Variants in DRC11 observed in about 807,000 individuals in gnomAD.
DRC11 encodes the protein IQ and AAA domain-containing protein 1.
the DRC11 span, among the ~76,000 whole-genome samples, chr2:236,487,202 T>C: frequency 1.3e-5 from 2 of 152,224 alleles, no homozygotes; most frequent in Non-Finnish European, 1.5e-5. Flanking sequence ...CGGCACTTCA[T>C]GGTTTTAAAG....
the DRC11 span, chr2:236,346,747 A>C: frequency 5.9e-6 from 1 of 168,762 alleles, no homozygotes; most frequent in South Asian, 2.0e-4. Flanking sequence ...TTCTATAATA[A>C]TCATTGGTCA....
At chr2:236,351,024 G>A in the DRC11 span, among the ~76,000 whole-genome samples, 1 of 152,224 alleles carries the variant, frequency 6.6e-6, no homozygotes, top group African/African-American at 2.4e-5. This position sits in a 1 kb window ranked among gnomAD's most constrained non-coding sequence, Gnocchi z 7.3. Context: ...TAAGTTTGCT[G>A]TTTTCAAACG....
chr2:236,317,324 A>G, the DRC11 span, among the ~76,000 whole-genome samples: 1 of 151,986 alleles, frequency 6.6e-6, no homozygotes, highest in African/African-American at 2.4e-5. The surrounding 1 kb of genome is among the most constrained non-coding windows in gnomAD (Gnocchi z 5.4). Context: ...ATAGGCTCTC[A>G]TTAACAGTAA....
the DRC11 span, among the ~76,000 whole-genome samples, chr2:236,498,447 G>A: frequency 6.8e-5 from 10 of 147,584 alleles, no homozygotes; most frequent in African/African-American, 2.6e-4. Flanking sequence ...CCTGGCAACA[G>A]AGCGAGACTG....
At chr2:236,453,925 A>G in the DRC11 span, among the ~76,000 whole-genome samples, 2 of 152,140 alleles carry the variant, frequency 1.3e-5, no homozygotes, top group Admixed American at 6.5e-5. The surrounding 1 kb of genome is among the most constrained non-coding windows in gnomAD (Gnocchi z 4.9). Flanking sequence ...TACAGGCATG[A>G]GCCACCGTGC....
At chr2:236,490,817 A>G in the DRC11 span, among the ~76,000 whole-genome samples, 3 of 151,384 alleles carry the variant, frequency 2.0e-5, no homozygotes, top group South Asian at 6.3e-4. The surrounding 1 kb of genome is among the most constrained non-coding windows in gnomAD (Gnocchi z 5.5). Flanking sequence ...GTGTGTGTGT[A>G]TATATATACA....
chr2:236,426,354 T>C, the DRC11 span, among the ~76,000 whole-genome samples: 51 of 152,040 alleles, frequency 3.4e-4, no homozygotes, highest in Non-Finnish European at 6.8e-4. The surrounding 1 kb of genome is among the most constrained non-coding windows in gnomAD (Gnocchi z 4.1). Flanking sequence ...ACACAGATCC[T>C]TCACCTCCTT....
chr2:236,394,335 CAA>C, the DRC11 span, among the ~76,000 whole-genome samples: 1 of 152,128 alleles, frequency 6.6e-6, no homozygotes, highest in Non-Finnish European at 1.5e-5. This position sits in a 1 kb window ranked among gnomAD's most constrained non-coding sequence, Gnocchi z 7.0. Flanking sequence ...CTCCAGTTTT[CAA>C]AAAGAGTGGG....
At chr2:236,463,995 G>C in the DRC11 span, among the ~76,000 whole-genome samples, 2 of 152,218 alleles carry the variant, frequency 1.3e-5, no homozygotes, top group African/African-American at 4.8e-5. This position sits in a 1 kb window ranked among gnomAD's most constrained non-coding sequence, Gnocchi z 5.0. Context: ...CTGTTGCCTG[G>C]GAGCCTCCTC....
the DRC11 span, among the ~76,000 whole-genome samples, chr2:236,385,372 T>A: frequency 1.4e-5 from 2 of 146,198 alleles, no homozygotes; most frequent in Non-Finnish European, 3.0e-5. Context: ...GAAGAGGTCC[T>A]TCACATCCCT....
chr2:236,501,611 G>A, the DRC11 span, among the ~76,000 whole-genome samples: 5 of 152,160 alleles, frequency 3.3e-5, no homozygotes, highest in African/African-American at 9.7e-5. Context: ...TCAGCATGGT[G>A]TGAGTTTTCC....
the DRC11 span, among the ~76,000 whole-genome samples, chr2:236,483,284 C>A: frequency 2.0e-5 from 3 of 152,258 alleles, no homozygotes; most frequent in Middle Eastern, 0.01. This position sits in a 1 kb window ranked among gnomAD's most constrained non-coding sequence, Gnocchi z 4.8. Flanking sequence ...TTTATAACAA[C>A]TTGCAGAAAT....
the DRC11 span, among the ~76,000 whole-genome samples, chr2:236,474,881 C>T: frequency 5.9e-5 from 9 of 151,948 alleles, no homozygotes; most frequent in South Asian, 6.2e-4. Flanking sequence ...TCAGGGTATA[C>T]GTGATATTTG....
the DRC11 span, among the ~76,000 whole-genome samples, chr2:236,371,660 G>A: frequency 6.6e-6 from 1 of 152,172 alleles, no homozygotes; most frequent in South Asian, 2.1e-4. The surrounding 1 kb of genome is among the most constrained non-coding windows in gnomAD (Gnocchi z 5.1). Flanking sequence ...CAATCCTCGT[G>A]CCAAGGTGTC....
chr2:236,334,115 C>G, the DRC11 span, among the ~76,000 whole-genome samples: 1 of 152,196 alleles, frequency 6.6e-6, no homozygotes, highest in Non-Finnish European at 1.5e-5. The surrounding 1 kb of genome is among the most constrained non-coding windows in gnomAD (Gnocchi z 7.8). Flanking sequence ...GTGGTGGGAC[C>G]TGCCCACCTG....
the DRC11 span, among the ~76,000 whole-genome samples, chr2:236,480,946 T>C: frequency 2.0e-5 from 3 of 152,256 alleles, no homozygotes; most frequent in Non-Finnish European, 4.4e-5. Context: ...TTCAGTACTT[T>C]ATGGAACCTT....
the DRC11 span, chr2:236,497,326 T>C: frequency 6.2e-7 from 1 of 1,613,986 alleles, no homozygotes; most frequent in Non-Finnish European, 8.5e-7. This position sits in a 1 kb window ranked among gnomAD's most constrained non-coding sequence, Gnocchi z 5.1. Context: ...GTCGTAGACA[T>C]TCTCTAGGTT....
chr2:236,342,700 T>C, the DRC11 span, among the ~76,000 whole-genome samples: 1 of 152,078 alleles, frequency 6.6e-6, no homozygotes, highest in Admixed American at 6.5e-5. This position sits in a 1 kb window ranked among gnomAD's most constrained non-coding sequence, Gnocchi z 5.8. Context: ...TGCTGCAGCA[T>C]TGGAGCTGGG....
At chr2:236,417,635 T>A in the DRC11 span, among the ~76,000 whole-genome samples, 1 of 151,924 alleles carries the variant, frequency 6.6e-6, no homozygotes, top group African/African-American at 2.4e-5. Flanking sequence ...TAGGTATACA[T>A]GTGCCATGGT....
Sources: gnomAD v4.1 joint callset for allele counts (sites outside exome capture counted in the v4.1 genomes callset) on GRCh38, gnomAD v4.1.1 for gene constraint, Gnocchi (gnomAD v3.1) non-coding constraint, MANE v1.5 for transcripts, NCBI Gene and HGNC (gene_info 2026-07-23, HGNC 2026-07-21) for gene names.